MAPK10: variants seen among roughly 807,000 people sequenced by gnomAD.
The protein encoded by MAPK10 is mitogen-activated protein kinase 10, also known as JNK3 alpha protein kinase.
Under a neutral mutation model 59.3 loss-of-function variants are expected in MAPK10, and 25 were observed. The ratio of observed to expected loss-of-function variants is 0.42; its 90% CI spans 0.31 to 0.59. The LOEUF (loss-of-function observed/expected upper bound fraction) is 0.59, where lower values mean the gene tolerates loss of function less well. MAPK10 is among the 20% of genes least tolerant of loss of function. The probability of loss-of-function intolerance (pLI) is 0.15; values close to 1 mark genes in which losing one functional copy is unlikely to be tolerated. For missense variants in MAPK10, 351 were observed against 568.9 expected, an observed-to-expected ratio of 0.62 and a Z score of 3.90; for synonymous variants, 190 against 200.5, an observed-to-expected ratio of 0.95 and a Z score of 0.44.
chr4:86,282,806 G>A (rs2094860428), intron 2 of MAPK10, among the ~76,000 whole-genome samples: 1 of 152,158 alleles, frequency 6.6e-6, no homozygotes, highest in African/African-American at 2.4e-5. Flanking sequence ...ACATCCAAGA[G>A]GATGGAAGTC....
intron 1 of MAPK10, among the ~76,000 whole-genome samples, chr4:86,533,982 T>A (rs562713591): frequency 1.3e-5 from 2 of 152,304 alleles, no homozygotes; most frequent in South Asian, 4.1e-4. Context: ...CATGAGCCCC[T>A]GGTGCCTCTA....
At chr4:86,127,429 A>G (rs2060254221) in intron 4 of MAPK10, among the ~76,000 whole-genome samples, 1 of 152,096 alleles carries the variant, frequency 6.6e-6, no homozygotes, top group African/African-American at 2.4e-5. Flanking sequence ...AACATGACTC[A>G]AATAGGCTTT....
rs552149439 is a variant in MAPK10 at position 86,348,937 on chromosome 4, T to A, written c.-7+5593A>T. ...TCCACCACAAGATATGTTTTCTATA[T>A]CTTCACCATCCTCAACAAAATCTTC... On this transcript the variant is annotated intron_variant, in intron 2 of 13. Transcript: ENST00000641462. 4.6e-5 allele frequency among the ~76,000 whole-genome samples: 7 copies of A among 152,300 alleles called. No individual in the cohort carries two copies. The South Asian group carries it at 1.5e-3, about 32-fold the overall frequency.
intron 1 of MAPK10, among the ~76,000 whole-genome samples, chr4:86,480,304 C>T (rs1018490060): frequency 2.8e-5 from 4 of 144,918 alleles, no homozygotes; most frequent in Non-Finnish European, 6.2e-5. Context: ...ATCTCCCCCA[C>T]TGAGCACCCT....
intron 13 of MAPK10, among the ~76,000 whole-genome samples, chr4:86,022,181 T>C (rs1312595139): frequency 6.6e-6 from 1 of 152,198 alleles, no homozygotes; most frequent in Non-Finnish European, 1.5e-5. Flanking sequence ...CAAAACTGTT[T>C]TCTAAAGTGG....
intron 1 of MAPK10, among the ~76,000 whole-genome samples, chr4:86,564,776 C>T (rs1302684146): frequency 1.3e-5 from 2 of 152,068 alleles, no homozygotes; most frequent in Non-Finnish European, 2.9e-5. Context: ...GGTGCATTTT[C>T]AGTATAGCAA....
intron 4 of MAPK10, among the ~76,000 whole-genome samples, chr4:86,114,544 G>T (rs1419844977): frequency 6.6e-6 from 1 of 152,212 alleles, no homozygotes; most frequent in Non-Finnish European, 1.5e-5. Flanking sequence ...AAAGATGGCT[G>T]CCTGCTCCTT....
intron 2 of MAPK10, chr4:86,300,936 G>A (rs1564137999): frequency 6.6e-6 from 1 of 151,416 alleles, no homozygotes; most frequent in Non-Finnish European, 1.5e-5. Context: ...TGGGGAGAGA[G>A]GGAACAGTTC....
chr4:86,161,745 C>T (rs972027547), intron 3 of MAPK10, among the ~76,000 whole-genome samples: 1 of 152,188 alleles, frequency 6.6e-6, no homozygotes, highest in East Asian at 1.9e-4. Context: ...ATTCCCTTCA[C>T]TTTGGAAGTG....
chr4:86,296,860 G>T (rs776321762), intron 2 of MAPK10, among the ~76,000 whole-genome samples: 1 of 152,114 alleles, frequency 6.6e-6, no homozygotes, highest in South Asian at 2.1e-4. Context: ...AACAATTTTT[G>T]TAAATTCTAT....
Position 86,492,521 on chromosome 4 carries a change from T to C in MAPK10, c.-263+101389A>G, listed in dbSNP as rs896121941. ...GTGAGTTCAAATTCTTGCACCATCATACATGTGAGCTCTATGACCTTGGCA... is the reference window on the plus strand; with the variant it reads ...GTGAGTTCAAATTCTTGCACCATCACACATGTGAGCTCTATGACCTTGGCA... On this transcript the variant is annotated intron_variant, in intron 1 of 4. Coordinates refer to the MAPK10 transcript ENST00000502302. Among the ~76,000 whole-genome samples, 101 of 152,234 alleles carry C rather than the reference T, an allele frequency of 6.6e-4. 1 individual carries two copies. Among genetic ancestry groups the C allele is most frequent in the Non-Finnish European group, 4.4e-5 (3 of 68,042 alleles).
At chr4:86,460,909 C>T (rs1291502351) in intron 1 of MAPK10, among the ~76,000 whole-genome samples, 2 of 152,186 alleles carry the variant, frequency 1.3e-5, no homozygotes, top group East Asian at 1.9e-4. Context: ...CTGTTCAGGG[C>T]TCTCAGCTCT....
chr4:86,548,247 C>T (rs1327498272), intron 1 of MAPK10, among the ~76,000 whole-genome samples: 2 of 152,094 alleles, frequency 1.3e-5, no homozygotes, highest in Admixed American at 6.5e-5. Context: ...TAACACTCAC[C>T]ACAAAGGTCC....
intron 11 of MAPK10, among the ~76,000 whole-genome samples, chr4:86,057,780 G>T (rs543404708): frequency 1.3e-5 from 2 of 150,140 alleles, no homozygotes; most frequent in South Asian, 4.2e-4. Flanking sequence ...AGGGTAAGAA[G>T]TGAAGAAGAG....
At chr4:86,018,179 G>C (rs1421897400) in intron 13 of MAPK10, among the ~76,000 whole-genome samples, 1 of 152,052 alleles carries the variant, frequency 6.6e-6, no homozygotes, top group Non-Finnish European at 1.5e-5. Context: ...CATATGCAAG[G>C]GTCCTATCCC....
chr4:86,387,484 G>A (rs1481580221), intron 1 of MAPK10, among the ~76,000 whole-genome samples: 1 of 152,122 alleles, frequency 6.6e-6, no homozygotes, highest in East Asian at 1.9e-4. Context: ...AATTCACCCA[G>A]AATCTTGAAT....
Position 86,259,325 on chromosome 4 carries a change from A to G in MAPK10, c.-6-64918T>C, listed in dbSNP as rs558372442. 1.6e-4 allele frequency among the ~76,000 whole-genome samples: 24 copies of G among 152,258 alleles called. No individual in the cohort carries two copies. In the East Asian group the frequency reaches 4.4e-3, roughly 28 times the overall value. On this transcript the variant is annotated intron_variant, in intron 2 of 13. Coordinates refer to ENST00000641462, the MANE Select transcript of MAPK10 (RefSeq NM_138982.4). Reference sequence around the variant, plus strand: ...CCATATATCTAATGTCTTCTTAAACATCTACATTTGGAGGTCCCACAGACA... The same window carrying G: ...CCATATATCTAATGTCTTCTTAAACGTCTACATTTGGAGGTCCCACAGACA...
At chr4:86,123,383 T>C (rs1393346948) in intron 4 of MAPK10, among the ~76,000 whole-genome samples, 1 of 152,102 alleles carries the variant, frequency 6.6e-6, no homozygotes, top group Non-Finnish European at 1.5e-5. Context: ...CTCTTTGACA[T>C]ACTGATTTCA....
intron 5 of MAPK10, among the ~76,000 whole-genome samples, chr4:86,105,078 T>C (rs1405209028): frequency 1.3e-5 from 2 of 152,102 alleles, no homozygotes; most frequent in Non-Finnish European, 2.9e-5. Context: ...ATTTTCTTTT[T>C]CTAGATAACA....
Sources: allele counts gnomAD v4.1 joint callset (sites outside exome capture counted in the v4.1 genomes callset), GRCh38; gene constraint gnomAD v4.1.1; transcripts MANE v1.5; gene names NCBI Gene and HGNC (gene_info 2026-07-23, HGNC 2026-07-21).